The following SYBU variants were observed in gnomAD, a reference collection of about 807,000 sequenced individuals.
SYBU encodes the protein syntabulin, also known as GOLSYN A protein.
In SYBU, 21 loss-of-function variants were observed where a neutral mutation model predicts 35.9. The observed-to-expected ratio is 0.58, with a 90% CI of 0.41 to 0.84. SYBU has a LOEUF of 0.84. SYBU is among the 40% of genes least tolerant of loss of function. SYBU has a pLI of 0.00. For synonymous variants in SYBU, 319 were observed against 324.3 expected (o/e 0.98, Z 0.18); for missense variants, 768 against 848.2 (o/e 0.91, Z 1.17).
intron 1 of SYBU, among the ~76,000 whole-genome samples, chr8:109,670,073 T>C (rs1375229798): frequency 1.3e-5 from 2 of 152,080 alleles, no homozygotes; most frequent in Non-Finnish European, 2.9e-5. Context: ...TTATTAGCTG[T>C]CAGTAATGGT....
chr8:109,647,787 T>G (rs1031604043), upstream of SYBU: 2 of 152,256 alleles, frequency 1.3e-5, no homozygotes, highest in Non-Finnish European at 2.9e-5. Context: ...CAGCTTTTAC[T>G]GCAGAAGTGC....
At chr8:109,662,440 C>T (rs187682448) in intron 1 of SYBU, among the ~76,000 whole-genome samples, 18 of 152,290 alleles carry the variant, frequency 1.2e-4, no homozygotes, top group African/African-American at 4.3e-4. Context: ...ACCAGGTCCT[C>T]TCTGCTCCTC....
chr8:109,642,700 C>A (rs1401354088), intron 2 of SYBU, 28 bp downstream of exon 2: 2 of 1,534,688 alleles, frequency 1.3e-6, no homozygotes, highest in Non-Finnish European at 1.8e-6. Context: ...CGCTTCACGC[C>A]TCTGGTGGCC....
At chr8:109,631,640 G>C (rs1235483063) in intron 2 of SYBU, among the ~76,000 whole-genome samples, 1 of 152,040 alleles carries the variant, frequency 6.6e-6, no homozygotes, top group Non-Finnish European at 1.5e-5. Context: ...GAAAATATTT[G>C]GTCCAAATAT....
At chr8:109,670,044 C>T (rs1237934823) in intron 1 of SYBU, among the ~76,000 whole-genome samples, 1 of 151,938 alleles carries the variant, frequency 6.6e-6, no homozygotes, top group Non-Finnish European at 1.5e-5. Flanking sequence ...TAGAAATTAA[C>T]TTCTGTTTTA....
At chr8:109,603,452 CA>C (rs1173527961) in intron 3 of SYBU, 1 of 978,722 alleles carries the variant, frequency 1.0e-6, no homozygotes, top group African/African-American at 1.8e-5. Context: ...TGACATCTGG[CA>C]CAAAGCACAT....
intron 1 of SYBU, among the ~76,000 whole-genome samples, chr8:109,669,749 C>T (rs922262742): frequency 1.2e-4 from 19 of 152,176 alleles, no homozygotes; most frequent in Admixed American, 1.2e-3. Context: ...ATACAATGAA[C>T]ATTTATTTGT....
intron 1 of SYBU, among the ~76,000 whole-genome samples, chr8:109,675,282 C>A (rs190436338): frequency 1.3e-5 from 2 of 152,212 alleles, no homozygotes; most frequent in African/African-American, 2.4e-5. Flanking sequence ...CAAGAAATAA[C>A]TAAGATCAGA....
At position 109,613,395 on chromosome 8, in the gene SYBU, T is replaced by C. The variant is rs140355801; in HGVS notation, c.427+5447A>G. On this transcript the variant is annotated intron_variant, in intron 3 of 6. Coordinates refer to ENST00000276646, the MANE Select transcript of SYBU (RefSeq NM_001099754.2). ...AATTTCACCTATTTCATATTTTCCATAACCTATTTTACAGATGCAGAACAC... is the reference window on the plus strand; with the variant it reads ...AATTTCACCTATTTCATATTTTCCACAACCTATTTTACAGATGCAGAACAC... 5.2e-3 allele frequency among the ~76,000 whole-genome samples: 796 copies of C among 152,282 alleles called. 28 individuals carry two copies. Among genetic ancestry groups the C allele is most frequent in the Admixed American group, 0.046 (699 of 15,292 alleles).
intron 2 of SYBU, among the ~76,000 whole-genome samples, chr8:109,637,712 C>T (rs1005332952): frequency 1.3e-5 from 2 of 152,162 alleles, no homozygotes; most frequent in Non-Finnish European, 2.9e-5. Context: ...TATCCAGATG[C>T]CAAGTTTCCC....
chr8:109,644,629 T>A lies in SYBU; in HGVS notation c.24+7A>T, dbSNP rs1423625774. 6.5e-7 allele frequency: 1 copy of A among 1,539,296 alleles called. No individual in the cohort carries two copies. The highest frequency in any genetic ancestry group is 1.4e-5 in the African/African-American group (1 of 71,706). ...CTCCAGTGCCCGCACTGCCCCGCGC[T>A]CCTTACCTTGCTCTCGCGGAGGGGC... On this transcript the variant is annotated splice_region_variant and intron_variant, in intron 1 of 6. Coordinates refer to ENST00000276646, the MANE Select transcript of SYBU (RefSeq NM_001099754.2).
chr8:109,670,088 G>T (rs946952398), intron 1 of SYBU, among the ~76,000 whole-genome samples: 20 of 151,516 alleles, frequency 1.3e-4, no homozygotes. Context: ...AATGGTAACA[G>T]AATTATGAGC....
At chr8:109,628,958 C>CA (rs143729899) in intron 2 of SYBU, among the ~76,000 whole-genome samples, 4,691 of 148,768 alleles carry the variant, frequency 0.032, 191 homozygotes, top group African/African-American at 0.095. Context: ...GACCCTAAAC[C>CA]AAAAAAAAAT....
At chr8:109,645,620 T>TTA (rs1815579854), upstream of SYBU, 2 of 276,466 alleles carry the variant, frequency 7.2e-6, no homozygotes, top group African/African-American at 4.9e-5. Context: ...TTTTTGTTGT[T>TTA]GTTTCGTTTT....
At chr8:109,619,674 A>G (rs1159556807) in intron 2 of SYBU, among the ~76,000 whole-genome samples, 1 of 152,240 alleles carries the variant, frequency 6.6e-6, no homozygotes, top group Admixed American at 6.5e-5. Context: ...GAAGTTCACC[A>G]GAACAATTCA....
intron 2 of SYBU, among the ~76,000 whole-genome samples, chr8:109,634,712 C>G (rs1403394897): frequency 6.6e-6 from 1 of 152,070 alleles, no homozygotes; most frequent in Non-Finnish European, 1.5e-5. Context: ...CCAAAGCAAG[C>G]AAGAAATTTT....
intron 2 of SYBU, among the ~76,000 whole-genome samples, chr8:109,637,867 C>G (rs1814400527): frequency 6.6e-6 from 1 of 152,184 alleles, no homozygotes; most frequent in South Asian, 2.1e-4. Flanking sequence ...ATGATTACCT[C>G]TAGGTCATTG....
chr8:109,649,807 T>A (rs1298194978), upstream of SYBU, among the ~76,000 whole-genome samples: 2 of 152,064 alleles, frequency 1.3e-5, no homozygotes, highest in Admixed American at 6.5e-5. Flanking sequence ...ATTAGGAAAA[T>A]GAATCAGAAT....
At chr8:109,633,422 C>T (rs1813854463) in intron 2 of SYBU, among the ~76,000 whole-genome samples, 3 of 152,146 alleles carry the variant, frequency 2.0e-5, no homozygotes, top group South Asian at 4.1e-4. Context: ...GTGATCTCAA[C>T]GATAGCATAG....
Sources: gnomAD v4.1 joint callset for allele counts (sites outside exome capture counted in the v4.1 genomes callset) on GRCh38, gnomAD v4.1.1 for gene constraint, MANE v1.5 for transcripts, NCBI Gene and HGNC (gene_info 2026-07-23, HGNC 2026-07-21) for gene names.